Variants in DNER observed in about 807,000 individuals in gnomAD.
DNER encodes delta/notch like EGF repeat containing, also known as delta and Notch-like epidermal growth factor-related receptor.
Under a neutral mutation model 78.2 loss-of-function variants are expected in DNER, and 33 were observed. That is an observed-to-expected ratio of 0.42 (90% CI 0.32 to 0.56). DNER has a LOEUF of 0.56. DNER is among the 20% of genes least tolerant of loss of function. DNER has a pLI of 0.11. For synonymous variants in DNER, 417 were observed against 384.8 expected (o/e 1.08, Z -0.98); for missense variants, 918 against 975.3 (o/e 0.94, Z 0.78).
chr2:229,454,057 C>T (rs1272491734), intron 7 of DNER, among the ~76,000 whole-genome samples: 1 of 152,072 alleles, frequency 6.6e-6, no homozygotes, highest in Non-Finnish European at 1.5e-5. Flanking sequence ...CGCCAGCCTG[C>T]TGCAAGATGA....
At chr2:229,513,033 T>C (rs1695904075) in intron 5 of DNER, 97 bp from the exon 6 acceptor site, 3 of 1,317,936 alleles carry the variant, frequency 2.3e-6, no homozygotes, top group Non-Finnish European at 3.1e-6. Context: ...ACTTCCTTTT[T>C]ATAATCAGCA....
intron 1 of DNER, among the ~76,000 whole-genome samples, chr2:229,621,366 C>A (rs376129725): frequency 9.2e-5 from 14 of 152,252 alleles, no homozygotes; most frequent in African/African-American, 2.9e-4. Context: ...CATTGACGAC[C>A]AAATGAAAGT....
chr2:229,372,750 G>A (rs2106328754), intron 11 of DNER, among the ~76,000 whole-genome samples: 1 of 152,292 alleles, frequency 6.6e-6, no homozygotes, highest in South Asian at 2.1e-4. Flanking sequence ...GGCTCCTGTA[G>A]GACGGGGCAG....
rs533871044 is a variant in DNER, at chr2:229,669,828, T to G, written c.276+44320A>C. The stretch of plus-strand genomic sequence containing the variant: ...GTAGCTGAGACATAGAAAGAAGAAA[T>G]GGGAAAAAGATCATAACATTTTTTC... On this transcript the variant is annotated intron_variant, in intron 1 of 12. Coordinates refer to ENST00000341772, the MANE Select transcript of DNER (RefSeq NM_139072.4). 2.0e-5 allele frequency among the ~76,000 whole-genome samples: 3 copies of G among 152,182 alleles called. No homozygotes were observed. In the South Asian group the frequency reaches 6.2e-4, roughly 32 times the overall value.
intron 8 of DNER, among the ~76,000 whole-genome samples, chr2:229,440,937 C>A (rs1213135242): frequency 6.6e-6 from 1 of 152,194 alleles, no homozygotes; most frequent in Non-Finnish European, 1.5e-5. Flanking sequence ...CTTTTCATCT[C>A]TTTTTGACCA....
chr2:229,490,108 T>G (rs1224752305), intron 6 of DNER, among the ~76,000 whole-genome samples: 1 of 152,114 alleles, frequency 6.6e-6, no homozygotes, highest in Non-Finnish European at 1.5e-5. Context: ...ATTTCCAAAT[T>G]ACTGCTTGTT....
intron 3 of DNER, chr2:229,586,639 C>T (rs1697508322): frequency 1.0e-6 from 1 of 985,010 alleles, no homozygotes; most frequent in Non-Finnish European, 1.2e-6. Context: ...CGCTTTTCTC[C>T]TCACAGCCCA....
chr2:229,678,497 C>CT (rs199579449), intron 1 of DNER, among the ~76,000 whole-genome samples: 3,088 of 152,278 alleles, frequency 0.02, 55 homozygotes, highest in Non-Finnish European at 0.031. Flanking sequence ...AAAAGGTGTC[C>CT]TGTGACTGAG....
At chr2:229,395,417 C>T (rs553696428) in intron 10 of DNER, among the ~76,000 whole-genome samples, 9 of 152,322 alleles carry the variant, frequency 5.9e-5, no homozygotes, top group African/African-American at 1.9e-4. Context: ...CCATCAGCCT[C>T]AGGGGAATGT....
intron 6 of DNER, among the ~76,000 whole-genome samples, chr2:229,492,392 C>G (rs1267321217): frequency 6.6e-6 from 1 of 152,188 alleles, no homozygotes; most frequent in Non-Finnish European, 1.5e-5. Context: ...ATGAATGACA[C>G]AGGGGCAATA....
Position 229,714,243 on chromosome 2 carries a change from A to T in DNER, c.181T>A (p.Ser61Thr). 13 of 1,418,014 alleles carry T rather than the reference A, an allele frequency of 9.2e-6. No individual in the cohort carries two copies. Among genetic ancestry groups the T allele is most frequent in the Non-Finnish European group, 1.2e-5 (13 of 1,088,464 alleles). The allele number at this position is 1,418,014 out of a possible 1,614,324, so 87.8% of individuals were successfully genotyped here. A position where few individuals can be genotyped will look rare whatever the true frequency, so the allele number is the denominator to read the frequency against. The part of the protein sequence containing the change: ...QPCRNGGVCT[S>T]RPEPDPQHPA... ...TGCTGCGGGTCCGGCTCAGGGCGCG[A>T]GGTGCACACACCCCCATTCCGGCAG... The change falls in exon 1 of 13, where the codon TCG becomes ACG. Residue 61 changes from serine to threonine, a missense_variant. Transcript: ENST00000341772.
intron 1 of DNER, among the ~76,000 whole-genome samples, chr2:229,646,762 G>C (rs768798493): frequency 6.6e-6 from 1 of 152,246 alleles, no homozygotes. Flanking sequence ...CAGGGTCCAC[G>C]GTGAACCAGA....
chr2:229,538,404 G>T (rs1473661725), intron 5 of DNER, among the ~76,000 whole-genome samples: 2 of 152,066 alleles, frequency 1.3e-5, no homozygotes, highest in African/African-American at 4.8e-5. Context: ...TGTTCTTGTT[G>T]CCCAGGCTGG....
intron 1 of DNER, among the ~76,000 whole-genome samples, chr2:229,597,849 A>T (rs1697750289): frequency 6.6e-6 from 1 of 152,112 alleles, no homozygotes; most frequent in African/African-American, 2.4e-5. Context: ...TAGACTTTTC[A>T]CCCGTGTCAA....
chr2:229,563,708 C>CTCACCCCATCACCATCATCATCA (rs1559168016), intron 4 of DNER, among the ~76,000 whole-genome samples: 3 of 140,690 alleles, frequency 2.1e-5, no homozygotes, highest in African/African-American at 7.9e-5. Flanking sequence ...CATCATCCTC[C>CTCACCCCATCACCATCATCATCA]TCACCCCATC....
At chr2:229,387,521 A>C (rs760824276) in intron 11 of DNER, among the ~76,000 whole-genome samples, 1 of 116,048 alleles carries the variant, frequency 8.6e-6, no homozygotes, top group Non-Finnish European at 1.9e-5. Flanking sequence ...GAAAGAAAGA[A>C]AGAAAGAAAG....
intron 8 of DNER, among the ~76,000 whole-genome samples, chr2:229,427,110 C>T (rs1231831921): frequency 2.0e-5 from 3 of 152,332 alleles, no homozygotes; most frequent in Non-Finnish European, 2.9e-5. Flanking sequence ...GGACTAAAGA[C>T]AGAGGCTAAA....
At chr2:229,389,834 C>G (rs1212478897) in intron 10 of DNER, among the ~76,000 whole-genome samples, 1 of 152,174 alleles carries the variant, frequency 6.6e-6, no homozygotes, top group Non-Finnish European at 1.5e-5. Context: ...TTTACAACTT[C>G]TAGATCCTAC....
intron 1 of DNER, among the ~76,000 whole-genome samples, chr2:229,657,158 AC>A: frequency 6.6e-6 from 1 of 151,512 alleles, no homozygotes; most frequent in Admixed American, 6.6e-5. Flanking sequence ...ACCTTTCCCC[AC>A]CCCTCAGAAC....
Sources: allele counts gnomAD v4.1 joint callset (sites outside exome capture counted in the v4.1 genomes callset), GRCh38; gene constraint gnomAD v4.1.1; transcripts MANE v1.5; gene names NCBI Gene and HGNC (gene_info 2026-07-23, HGNC 2026-07-21).